DPYD: variants seen among roughly 807,000 people sequenced by gnomAD.
The protein encoded by DPYD is dihydropyrimidine dehydrogenase.
Under a neutral mutation model 116.2 loss-of-function variants are expected in DPYD, and 109 were observed. That is an observed-to-expected ratio of 0.94 (90% CI 0.80 to 1.10). The LOEUF is 1.10. DPYD is among the 50% of genes least tolerant of loss of function. The pLI, the probability that DPYD is intolerant of heterozygous loss-of-function variation, is 0.00. For missense variants in DPYD, 1,302 were observed against 1,254.5 expected (o/e 1.04, Z -0.57); for synonymous variants, 440 against 432.0 (o/e 1.02, Z -0.23).
intron 20 of DPYD, among the ~76,000 whole-genome samples, chr1:97,109,912 T>C (rs1045156929): frequency 6.6e-6 from 1 of 152,128 alleles, no homozygotes; most frequent in African/African-American, 2.4e-5. Flanking sequence ...ATATTAAACA[T>C]GGGAAAATAT....
At chr1:97,227,720 TTTA>T (rs1446553149) in intron 19 of DPYD, among the ~76,000 whole-genome samples, 1 of 152,104 alleles carries the variant, frequency 6.6e-6, no homozygotes, top group African/African-American at 2.4e-5. Flanking sequence ...TTTCAGTGCA[TTTA>T]TAATATGGGA....
At chr1:97,443,936 C>T (rs1445836837) in intron 14 of DPYD, among the ~76,000 whole-genome samples, 3 of 152,156 alleles carry the variant, frequency 2.0e-5, no homozygotes, top group East Asian at 3.9e-4. Context: ...GCATCCTCCT[C>T]GCTTGCAGGA....
intron 14 of DPYD, 67 bp from the exon 15 acceptor site, chr1:97,382,528 A>T: frequency 2.3e-6 from 2 of 864,850 alleles, no homozygotes; most frequent in Non-Finnish European, 3.5e-6. Flanking sequence ...AGATATATTA[A>T]TATTTACATA....
At chr1:97,746,923 G>T (rs189912246) in intron 3 of DPYD, among the ~76,000 whole-genome samples, 8 of 151,416 alleles carry the variant, frequency 5.3e-5, no homozygotes, top group Non-Finnish European at 8.8e-5. Flanking sequence ...GATTTTTTTT[G>T]TTGTTGTTAG....
intron 8 of DPYD, among the ~76,000 whole-genome samples, chr1:97,636,026 G>A (rs549350012): frequency 1.4e-3 from 215 of 152,040 alleles, no homozygotes; most frequent in African/African-American, 4.8e-3. Flanking sequence ...TCGCCATATT[G>A]CTCAGGCTGG....
chr1:97,525,484 C>T (rs1011379352), intron 12 of DPYD, among the ~76,000 whole-genome samples: 22 of 152,046 alleles, frequency 1.4e-4, no homozygotes, highest in African/African-American at 5.1e-4. Context: ...AATTTCAGCA[C>T]CTAGCATAAG....
At chr1:97,288,330 G>A (rs1665879172) in intron 18 of DPYD, among the ~76,000 whole-genome samples, 1 of 150,620 alleles carries the variant, frequency 6.6e-6, no homozygotes, top group Non-Finnish European at 1.5e-5. Context: ...TCTGCACCAA[G>A]GGGACCTAAT....
intron 7 of DPYD, among the ~76,000 whole-genome samples, chr1:97,683,638 T>C (rs1368606272): frequency 6.6e-6 from 1 of 151,966 alleles, no homozygotes; most frequent in Admixed American, 6.6e-5. Context: ...TGAGTTGCAT[T>C]ACAAAAAAAG....
At chr1:97,809,442 G>A (rs1317520770) in intron 3 of DPYD, among the ~76,000 whole-genome samples, 5 of 152,134 alleles carry the variant, frequency 3.3e-5, no homozygotes, top group East Asian at 3.9e-4. Flanking sequence ...CAGCAATTAC[G>A]GTGGCTTGGA....
intron 3 of DPYD, among the ~76,000 whole-genome samples, chr1:97,740,758 T>C (rs1664221223): frequency 6.6e-6 from 1 of 152,128 alleles, no homozygotes; most frequent in Non-Finnish European, 1.5e-5. Flanking sequence ...GGACATACCA[T>C]TCCCTCACTC....
chr1:97,751,458 GTGTATATATATATATATATA>G (rs1428581060), intron 3 of DPYD, among the ~76,000 whole-genome samples: 5 of 22,056 alleles, frequency 2.3e-4, no homozygotes, highest in African/African-American at 6.8e-4. Flanking sequence ...GTGTGTGTGT[GTGTATATATATATATATATA>G]TATATATATA....
At chr1:97,230,832 C>T (rs775850936) in intron 19 of DPYD, among the ~76,000 whole-genome samples, 1 of 152,134 alleles carries the variant, frequency 6.6e-6, no homozygotes, top group Admixed American at 6.5e-5. Context: ...GAAGAAATCA[C>T]ATGGCTCACA....
At chr1:97,183,507 T>A (rs1242261883) in intron 20 of DPYD, among the ~76,000 whole-genome samples, 1 of 152,098 alleles carries the variant, frequency 6.6e-6, no homozygotes, top group Non-Finnish European at 1.5e-5. Context: ...TACTGCAGAT[T>A]TATAGAAAAT....
At chr1:97,916,063 TA>T (rs2101717430) in intron 1 of DPYD, among the ~76,000 whole-genome samples, 1 of 152,306 alleles carries the variant, frequency 6.6e-6, no homozygotes, top group East Asian at 1.9e-4. Context: ...CAGAGTTTGG[TA>T]AGATGCTGTA....
intron 11 of DPYD, among the ~76,000 whole-genome samples, chr1:97,561,817 A>T (rs528154600): frequency 6.6e-6 from 1 of 152,316 alleles, no homozygotes; most frequent in East Asian, 1.9e-4. Context: ...ATGGGCTTTC[A>T]ATCCCTGTCT....
chr1:97,101,932 C>T (rs1391557740), intron 20 of DPYD, among the ~76,000 whole-genome samples: 1 of 151,896 alleles, frequency 6.6e-6, no homozygotes. Context: ...AGGCTAAATC[C>T]TACTCATTTA....
intron 8 of DPYD, among the ~76,000 whole-genome samples, chr1:97,626,851 T>C (rs965115988): frequency 2.6e-5 from 4 of 152,106 alleles, no homozygotes; most frequent in African/African-American, 9.7e-5. Context: ...GTAGTCTTTC[T>C]TTCTTTTTTT....
intron 10 of DPYD, among the ~76,000 whole-genome samples, chr1:97,580,559 G>A (rs571708233): frequency 2.0e-5 from 3 of 152,180 alleles, no homozygotes; most frequent in African/African-American, 7.2e-5. Context: ...ATCAGCATTT[G>A]TAGGTAATAA....
intron 1 of DPYD, among the ~76,000 whole-genome samples, chr1:97,890,922 T>G (rs1231985312): frequency 1.3e-5 from 2 of 151,952 alleles, no homozygotes; most frequent in Admixed American, 6.6e-5. Context: ...ATAGCATAAG[T>G]AGAAAGCATA....
Sources: gnomAD v4.1 joint callset for allele counts (sites outside exome capture counted in the v4.1 genomes callset) on GRCh38, gnomAD v4.1.1 for gene constraint, MANE v1.5 for transcripts, NCBI Gene and HGNC (gene_info 2026-07-23, HGNC 2026-07-21) for gene names.